The following GRID2 variants were observed in gnomAD, a reference collection of about 807,000 sequenced individuals.
The protein encoded by GRID2 is glutamate ionotropic receptor delta type subunit 2.
In GRID2, 33 loss-of-function variants were observed where a neutral mutation model predicts 114.8. That is an observed-to-expected ratio of 0.29 (90% confidence interval 0.22 to 0.38). The LOEUF is 0.38. GRID2 is among the 10% of genes least tolerant of loss of function. The probability of loss-of-function intolerance (pLI) is 1.00; values close to 1 mark genes in which losing one functional copy is unlikely to be tolerated. For synonymous variants in GRID2, 505 were observed against 449.9 expected (o/e 1.12, Z -1.55); for missense variants, 1,184 against 1,257.7 (o/e 0.94, Z 0.89).
chr4:92,366,683 G>C (rs931782252), intron 1 of GRID2, among the ~76,000 whole-genome samples: 1 of 151,878 alleles, frequency 6.6e-6, no homozygotes, highest in African/African-American at 2.4e-5. Flanking sequence ...CTCAGAAATG[G>C]ATAAAAGACC....
intron 1 of GRID2, among the ~76,000 whole-genome samples, chr4:92,456,036 A>C (rs1236305330): frequency 6.6e-6 from 1 of 152,172 alleles, no homozygotes; most frequent in Non-Finnish European, 1.5e-5. Flanking sequence ...TATGTCAAAA[A>C]TTTAGAACTT....
intron 13 of GRID2, among the ~76,000 whole-genome samples, chr4:93,604,275 T>A (rs963215328): frequency 3.9e-5 from 6 of 152,186 alleles, no homozygotes; most frequent in African/African-American, 7.2e-5. Flanking sequence ...CTTAACACTT[T>A]AGTAGAGGAA....
In GRID2 at chr4:93,425,926, A is replaced by G. The variant is rs192498628; in HGVS notation, c.1545+2958A>G. ...TGGGTTGCTCTCCAGTCTTTTCTAT[A>G]TATTTTTTTCAATTTGATCCTGAAT... is the stretch of plus-strand genomic sequence containing the variant. On this transcript the variant is annotated intron_variant, in intron 10 of 15. Transcript: ENST00000282020. Among the ~76,000 whole-genome samples the G allele has an allele frequency of 5.3e-5, 8 of 152,196 alleles. No homozygotes were observed. In the East Asian group the frequency reaches 1.4e-3, roughly 26 times the overall value.
At chr4:93,042,279 CTCTCTCTCTCTCTCTCTCTCTATA>C (rs1725613412) in intron 2 of GRID2, among the ~76,000 whole-genome samples, 1 of 38,954 alleles carries the variant, frequency 2.6e-5, no homozygotes, top group Non-Finnish European at 6.3e-5. Context: ...CTCTCTTTCT[CTCTCTCTCTCTCTCTCTCTCTATA>C]TATATATATA....
chr4:92,661,805 G>A (rs1396547267), intron 2 of GRID2, among the ~76,000 whole-genome samples: 1 of 150,990 alleles, frequency 6.6e-6, no homozygotes, highest in Non-Finnish European at 1.5e-5. Context: ...TAAAAAGAGG[G>A]AAATACTGGT....
intron 2 of GRID2, among the ~76,000 whole-genome samples, chr4:92,619,189 G>A (rs374705430): frequency 3.3e-5 from 5 of 151,800 alleles, no homozygotes; most frequent in African/African-American, 1.2e-4. Context: ...GGTCAGTGGA[G>A]AAACTTATTT....
intron 7 of GRID2, among the ~76,000 whole-genome samples, chr4:93,230,088 T>C (rs1029580004): frequency 3.3e-5 from 5 of 152,102 alleles, no homozygotes; most frequent in African/African-American, 1.2e-4. Flanking sequence ...ATTTATAGTG[T>C]TCTTCACACA....
chr4:92,310,980 C>T (rs1268095701), intron 1 of GRID2, among the ~76,000 whole-genome samples: 1 of 152,048 alleles, frequency 6.6e-6, no homozygotes, highest in Non-Finnish European at 1.5e-5. Context: ...GAATTATGTA[C>T]ATTTCTTCAT....
At position 92,339,440 on chromosome 4, in the gene GRID2, A is replaced by G. The variant is rs1325897164; in HGVS notation, c.88+34696A>G. On this transcript the variant is annotated intron_variant, in intron 1 of 15. Transcript: ENST00000282020. ...GAAGAAAATTCGTCATTGTAGTAGT[A>G]TTCTTATATTTAAGTAATGAAAGTG... Among the ~76,000 whole-genome samples, 13 of 152,260 alleles carry G rather than the reference A, an allele frequency of 8.5e-5. 1 individual carries two copies. The East Asian group carries it at 2.1e-3, about 25-fold the overall frequency.
At chr4:93,337,066 A>T (rs1759165274) in intron 8 of GRID2, among the ~76,000 whole-genome samples, 1 of 152,158 alleles carries the variant, frequency 6.6e-6, no homozygotes, top group Admixed American at 6.5e-5. Flanking sequence ...CATGTATCTC[A>T]GTATTAAGTG....
chr4:92,949,222 G>C (rs1370216599), intron 2 of GRID2, among the ~76,000 whole-genome samples: 1 of 151,108 alleles, frequency 6.6e-6, no homozygotes, highest in African/African-American at 2.4e-5. Context: ...TTTTGAGATG[G>C]GATAGATTAA....
At chr4:92,500,321 C>T (rs1180664142) in intron 1 of GRID2, among the ~76,000 whole-genome samples, 2 of 151,956 alleles carry the variant, frequency 1.3e-5, no homozygotes, top group African/African-American at 4.8e-5. Context: ...GATCTCCCAG[C>T]GCAATCATTA....
intron 2 of GRID2, among the ~76,000 whole-genome samples, chr4:92,639,182 A>G (rs1268167400): frequency 6.6e-6 from 1 of 151,678 alleles, no homozygotes; most frequent in Admixed American, 6.6e-5. Context: ...AGTGGAATCT[A>G]TTTATATTTC....
intron 8 of GRID2, among the ~76,000 whole-genome samples, chr4:93,371,218 G>A (rs1392574746): frequency 3.9e-5 from 6 of 152,166 alleles, no homozygotes; most frequent in African/African-American, 1.4e-4. Flanking sequence ...CTAATGCCAA[G>A]TTTAAGTAAA....
intron 1 of GRID2, among the ~76,000 whole-genome samples, chr4:92,311,509 G>A (rs1462284310): frequency 6.6e-6 from 1 of 151,954 alleles, no homozygotes; most frequent in African/African-American, 2.4e-5. Flanking sequence ...CTTATTAACA[G>A]ATTTTTAAAA....
chr4:92,802,618 C>T (rs996877007), intron 2 of GRID2, among the ~76,000 whole-genome samples: 3 of 151,878 alleles, frequency 2.0e-5, no homozygotes, highest in Non-Finnish European at 2.9e-5. Flanking sequence ...GTTTCTACTG[C>T]GTTACAAAGC....
chr4:92,544,125 T>C (rs1726119069), intron 1 of GRID2, among the ~76,000 whole-genome samples: 1 of 152,172 alleles, frequency 6.6e-6, no homozygotes, highest in African/African-American at 2.4e-5. Flanking sequence ...GTGATAAATA[T>C]CTGCAATTCT....
chr4:93,412,240 C>CCA (rs767241020), intron 9 of GRID2, among the ~76,000 whole-genome samples: 46 of 145,510 alleles, frequency 3.2e-4, no homozygotes, highest in African/African-American at 1.1e-3. Flanking sequence ...CCCCCCCCCC[C>CCA]AAAAAAAAAT....
intron 2 of GRID2, among the ~76,000 whole-genome samples, chr4:92,768,209 T>C (rs1439017918): frequency 6.6e-6 from 1 of 152,218 alleles, no homozygotes; most frequent in Non-Finnish European, 1.5e-5. Context: ...TGCAGATTTA[T>C]GTTTTTCTAT....
Sources: gnomAD v4.1 joint callset for allele counts (sites outside exome capture counted in the v4.1 genomes callset) on GRCh38, gnomAD v4.1.1 for gene constraint, MANE v1.5 for transcripts, NCBI Gene and HGNC (gene_info 2026-07-23, HGNC 2026-07-21) for gene names.